TRAPPC3: variants seen among roughly 807,000 people sequenced by gnomAD.
TRAPPC3 encodes trafficking protein particle complex subunit 3, also known as trafficking protein particle complex 3.
TRAPPC3 carries 5 observed loss-of-function variants against 18.2 expected under a neutral mutation model. The observed-to-expected ratio is 0.28, with a 90% CI of 0.14 to 0.58. The LOEUF (loss-of-function observed/expected upper bound fraction) is 0.58. Ranked by LOEUF, TRAPPC3 falls within the 20% of genes least tolerant of loss-of-function variation. TRAPPC3 has a pLI of 0.91. For missense variants in TRAPPC3, 176 were observed against 225.9 expected, an observed-to-expected ratio of 0.78 and a Z score of 1.41; for synonymous variants, 65 against 84.2, an observed-to-expected ratio of 0.77 and a Z score of 1.25.
upstream of TRAPPC3, chr1:36,149,653 G>C (rs1351210387): frequency 3.6e-6 from 2 of 551,082 alleles, no homozygotes; most frequent in Middle Eastern, 4.9e-4. Flanking sequence ...CTCCGCGCGC[G>C]CCTGCCTGGT....
chr1:36,154,234 A>C (rs960801399), upstream of TRAPPC3, among the ~76,000 whole-genome samples: 29 of 152,012 alleles, frequency 1.9e-4, no homozygotes, highest in African/African-American at 7.0e-4. Flanking sequence ...CGAACTCCTG[A>C]CTTCAAGGAT....
intron 1 of TRAPPC3, among the ~76,000 whole-genome samples, chr1:36,145,496 T>TTGG (rs1644180480): frequency 6.6e-6 from 1 of 152,184 alleles, no homozygotes; most frequent in Non-Finnish European, 1.5e-5. Context: ...CAAGTGCTAC[T>TTGG]ACGTAAGTAA....
Position 36,149,476 on chromosome 1 carries a change from C to T in TRAPPC3, c.-98G>A. The T allele has an allele frequency of 2.0e-6, 3 of 1,489,924 alleles. No individual in the cohort carries two copies. Among genetic ancestry groups the T allele is most frequent in the Non-Finnish European group, 1.8e-6 (2 of 1,092,722 alleles). The allele number at this position is 1,489,924 out of a possible 1,614,324, so 92.3% of individuals were successfully genotyped here. A position where few individuals can be genotyped will look rare whatever the true frequency, so the allele number is the denominator to read the frequency against. ...GCCGCTGCCCCTCAGCCCACAAGACCGACCGGCACTGACTCACTGCGCCTG... is the reference window on the plus strand; with the variant it reads ...GCCGCTGCCCCTCAGCCCACAAGACTGACCGGCACTGACTCACTGCGCCTG... On this transcript the variant is annotated 5_prime_UTR_variant, in exon 1 of 5. Transcript: ENST00000373166.
rs1237835492 is a variant in TRAPPC3, at chr1:36,137,164, A to G, written c.*39T>C. 2 of 1,589,358 alleles carry G rather than the reference A, an allele frequency of 1.3e-6. No homozygotes were observed. The highest frequency in any genetic ancestry group is 2.7e-5 in the African/African-American group (2 of 74,554). The stretch of plus-strand genomic sequence containing the variant: ...GGAGCACAGAGGCCTGCTGATTCCA[A>G]CAGTGCTCCTGATGGCTATCCTCGA... On this transcript the variant is annotated 3_prime_UTR_variant, in exon 5 of 5. Transcript: ENST00000373166.
chr1:36,139,702 G>C lies in TRAPPC3; in HGVS notation c.240+18C>G, dbSNP rs771400964. 2 of 1,613,942 alleles carry C rather than the reference G, an allele frequency of 1.2e-6. No individual in the cohort carries two copies. The highest frequency in any genetic ancestry group is 8.5e-7 in the Non-Finnish European group (1 of 1,179,934). On this transcript the variant is annotated intron_variant, in intron 3 of 4. Coordinates refer to ENST00000373166, the MANE Select transcript of TRAPPC3 (RefSeq NM_014408.5). The stretch of plus-strand genomic sequence containing the variant: ...AGCAGCAATTCTTCAGCATGGACAG[G>C]TGGCCCAGAATAATGACCTTGGCAA...
At chr1:36,153,705 C>G (rs534503394), upstream of TRAPPC3, among the ~76,000 whole-genome samples, 5 of 152,336 alleles carry the variant, frequency 3.3e-5, no homozygotes, top group African/African-American at 9.6e-5. Context: ...CCGTATGTCT[C>G]TAAACATGGC....
rs563842577 is a variant in TRAPPC3 at position 36,137,062 on chromosome 1, T to G, written c.*141A>C. 54 of 1,040,640 alleles carry G rather than the reference T, an allele frequency of 5.2e-5. No individual in the cohort carries two copies. In the South Asian group the frequency reaches 8.9e-4, roughly 17 times the overall value. The allele number at this position is 1,040,640 out of a possible 1,614,324, so 64.5% of individuals were successfully genotyped here. A position where few individuals can be genotyped will look rare whatever the true frequency, so the allele number is the denominator to read the frequency against. Reference sequence around the variant, plus strand: ...GACTATATCGCAGTCTGCTCTTTATTTGAATGGAGAATGGAAACAGGTTAT... The same window carrying G: ...GACTATATCGCAGTCTGCTCTTTATGTGAATGGAGAATGGAAACAGGTTAT... On this transcript the variant is annotated 3_prime_UTR_variant, in exon 5 of 5. Transcript: ENST00000373166.
At chr1:36,148,900 CA>C (rs1644238933) in intron 1 of TRAPPC3, among the ~76,000 whole-genome samples, 1 of 152,118 alleles carries the variant, frequency 6.6e-6, no homozygotes, top group African/African-American at 2.4e-5. Context: ...TGGAGTTAAA[CA>C]CGGGTCCAAA....
chr1:36,150,860 G>A (rs1644265341), upstream of TRAPPC3, among the ~76,000 whole-genome samples: 1 of 152,162 alleles, frequency 6.6e-6, no homozygotes, highest in Non-Finnish European at 1.5e-5. Context: ...CTAGACAAGA[G>A]CCCTCTGCAT....
Position 36,137,858 on chromosome 1 carries a change from T to C in TRAPPC3, c.361A>G (p.Asn121Asp). 2 of 1,614,200 alleles carry C rather than the reference T, an allele frequency of 1.2e-6. No individual in the cohort carries two copies. Among genetic ancestry groups the C allele is most frequent in the Non-Finnish European group, 1.7e-6 (2 of 1,180,026 alleles). Reference protein sequence around the residue: ...PLVDFVELPDNHSSLIYSNLL... With the variant: ...PLVDFVELPDDHSSLIYSNLL... ...TTGGAATAAATAAGGGATGAGTGGTTATCAGGAAGTTCCACAAAGTCCACC... is the reference window on the plus strand; with the variant it reads ...TTGGAATAAATAAGGGATGAGTGGTCATCAGGAAGTTCCACAAAGTCCACC... Residue 121 changes from asparagine (N) to aspartate (D), a missense_variant, in exon 4 of 5, where the codon AAC (asparagine) becomes GAC (aspartate). Asn to Asp is a conservative substitution (Grantham distance 23, BLOSUM62 1). Coordinates refer to ENST00000373166, the MANE Select transcript of TRAPPC3 (RefSeq NM_014408.5).
At chr1:36,153,296 G>T (rs984552131), upstream of TRAPPC3, among the ~76,000 whole-genome samples, 2 of 152,166 alleles carry the variant, frequency 1.3e-5, no homozygotes, top group Admixed American at 1.3e-4. Flanking sequence ...ATCTGCCAGG[G>T]ATCCTGGCCA....
chr1:36,145,526 G>A (rs747976273), intron 1 of TRAPPC3, among the ~76,000 whole-genome samples: 21 of 152,244 alleles, frequency 1.4e-4, no homozygotes, highest in African/African-American at 4.8e-4. Context: ...TGAGCTCAGG[G>A]GAATAGACAC....
intron 1 of TRAPPC3, among the ~76,000 whole-genome samples, chr1:36,144,310 G>T (rs1156684111): frequency 2.0e-5 from 1 of 51,200 alleles, no homozygotes; most frequent in Non-Finnish European, 3.8e-5. Flanking sequence ...AAAAAAAAAA[G>T]GGAGGGCAAG....
At chr1:36,149,488 A>T, upstream of TRAPPC3, 1 of 1,416,352 alleles carries the variant, frequency 7.1e-7, no homozygotes, top group Non-Finnish European at 9.7e-7. Context: ...ACCGGCACTG[A>T]CTCACTGCGC....
At chr1:36,150,275 A>G (rs1644258622), upstream of TRAPPC3, among the ~76,000 whole-genome samples, 1 of 152,286 alleles carries the variant, frequency 6.6e-6, no homozygotes, top group African/African-American at 2.4e-5. Flanking sequence ...CATAAAAGGC[A>G]TAAAAGAAAC....
intron 1 of TRAPPC3, among the ~76,000 whole-genome samples, chr1:36,148,186 T>G (rs1430957391): frequency 6.6e-6 from 1 of 152,210 alleles, no homozygotes; most frequent in Non-Finnish European, 1.5e-5. Context: ...TTTGGCCGGG[T>G]GTGGTGGCTC....
At chr1:36,150,616 G>A (rs555383547), upstream of TRAPPC3, among the ~76,000 whole-genome samples, 5 of 152,354 alleles carry the variant, frequency 3.3e-5, no homozygotes, top group East Asian at 9.6e-4. Context: ...GAGGCTGCAA[G>A]CTGGTGCCCA....
At chr1:36,137,688 G>C (rs1030772932) in intron 4 of TRAPPC3, 108 bp downstream of exon 4, 13 of 1,183,422 alleles carry the variant, frequency 1.1e-5, no homozygotes, top group Non-Finnish European at 1.5e-5. Flanking sequence ...AGGCAGTAAA[G>C]CGCTGGGGTG....
intron 1 of TRAPPC3, among the ~76,000 whole-genome samples, chr1:36,147,262 G>A (rs1644214787): frequency 6.6e-6 from 1 of 152,138 alleles, no homozygotes. Context: ...GGTGGAGGCT[G>A]CAGTGAGCTG....
Sources: gnomAD v4.1 joint callset for allele counts (sites outside exome capture counted in the v4.1 genomes callset) on GRCh38, gnomAD v4.1.1 for gene constraint, MANE v1.5 for transcripts, NCBI Gene and HGNC (gene_info 2026-07-23, HGNC 2026-07-21) for gene names.